The following NAA35 variants were observed in gnomAD, a reference collection of about 807,000 sequenced individuals.
NAA35 encodes the protein N-alpha-acetyltransferase 35, NatC auxiliary subunit.
A neutral mutation model predicts 101.7 loss-of-function variants in NAA35; 18 were observed. The observed-to-expected ratio is 0.18, with a 90% CI of 0.12 to 0.26. The LOEUF is 0.26. Among genes scored for constraint, NAA35 ranks in the 10% least tolerant of loss-of-function variants. The probability of loss-of-function intolerance (pLI) is 1.00; values close to 1 mark genes in which losing one functional copy is unlikely to be tolerated. For synonymous variants in NAA35, 267 were observed against 273.1 expected, an observed-to-expected ratio of 0.98 and a Z score of 0.22; for missense variants, 601 against 886.8, an observed-to-expected ratio of 0.68 and a Z score of 4.09.
At chr9:85,957,944 CTT>C (rs1227768818) in intron 3 of NAA35, among the ~76,000 whole-genome samples, 17 of 141,320 alleles carry the variant, frequency 1.2e-4, no homozygotes, top group Non-Finnish European at 9.3e-5. Context: ...TATATATTTT[CTT>C]TTTTTTTTTT....
At chr9:85,942,094 C>T (rs1397321213) in intron 1 of NAA35, 61 bp from the exon 2 acceptor site, 1 of 1,573,606 alleles carries the variant, frequency 6.4e-7, no homozygotes, top group South Asian at 1.2e-5. Flanking sequence ...ACACCCATTT[C>T]TGCAAATACT....
rs1832673979 is a variant in NAA35, at chr9:86,023,873, G to GGA, written c.*1915_*1916dup. On this transcript the variant is annotated 3_prime_UTR_variant, in exon 23 of 23. Transcript: ENST00000361671. ...TTTTGGTTTTTAGTTTGTTTAGAGA[G>GGA]GAGGTTTCACTATGTTGCCCAAACT... Among the ~76,000 whole-genome samples, 1 of 152,218 alleles carries GGA rather than the reference G, an allele frequency of 6.6e-6. No individual in the cohort carries two copies. Among genetic ancestry groups the GGA allele is most frequent in the South Asian group, 2.1e-4 (1 of 4,834 alleles).
In NAA35 at chr9:85,975,110, C is replaced by A. The variant is rs1159069478; in HGVS notation, c.584-4C>A. ...CTTTTAAAACTTATTGTTTCTTTTT[C>A]TAGGCATGCTAAAAGATGTGGAGGA... On this transcript the variant is annotated splice_polypyrimidine_tract_variant and splice_region_variant and intron_variant, in intron 7 of 22. Coordinates refer to ENST00000361671, the MANE Select transcript of NAA35 (RefSeq NM_024635.4). 1 of 1,613,144 alleles carries A rather than the reference C, an allele frequency of 6.2e-7. No individual in the cohort carries two copies. Among genetic ancestry groups the A allele is most frequent in the East Asian group, 2.2e-5 (1 of 44,792 alleles).
intron 11 of NAA35, among the ~76,000 whole-genome samples, chr9:85,990,866 G>C (rs114898319): frequency 9.0e-4 from 137 of 152,322 alleles, no homozygotes; most frequent in African/African-American, 3.2e-3. Flanking sequence ...TGGGCCATCA[G>C]AGTCTGTGTG....
intron 6 of NAA35, among the ~76,000 whole-genome samples, chr9:85,967,393 C>G (rs987757377): frequency 4.6e-5 from 7 of 151,946 alleles, no homozygotes; most frequent in African/African-American, 1.5e-4. Context: ...GCTTCTGGGC[C>G]AAAAGATTCT....
At chr9:86,020,755 A>G (rs1832498501) in intron 21 of NAA35, 134 bp from the exon 22 acceptor site, 3 of 547,432 alleles carry the variant, frequency 5.5e-6, no homozygotes, top group African/African-American at 1.9e-5. Context: ...TGCCTGAACC[A>G]GGAGGTTGAG....
chr9:85,953,141 A>C (rs1829092072), intron 2 of NAA35, among the ~76,000 whole-genome samples: 1 of 150,430 alleles, frequency 6.6e-6, no homozygotes, highest in Non-Finnish European at 1.5e-5. Flanking sequence ...TGAGCCTGGG[A>C]GGTCAAGGCT....
At chr9:85,973,634 A>G (rs968245462) in intron 6 of NAA35, among the ~76,000 whole-genome samples, 1 of 152,152 alleles carries the variant, frequency 6.6e-6, no homozygotes, top group African/African-American at 2.4e-5. Flanking sequence ...AAACACTAGG[A>G]AGTAGGCGTC....
intron 2 of NAA35, among the ~76,000 whole-genome samples, chr9:85,946,807 G>C (rs118105087): frequency 1.3e-5 from 2 of 151,780 alleles, no homozygotes; most frequent in Non-Finnish European, 2.9e-5. Flanking sequence ...TCATTCCTCC[G>C]TAGTCAGTCT....
chr9:85,999,673 C>G (rs185404281), intron 12 of NAA35, among the ~76,000 whole-genome samples: 1 of 152,212 alleles, frequency 6.6e-6, no homozygotes, highest in Non-Finnish European at 1.5e-5. Context: ...AGAATTTTCT[C>G]AGCAAGCTGC....
intron 11 of NAA35, chr9:85,987,038 A>G (rs1249812536): frequency 6.5e-6 from 1 of 155,002 alleles, no homozygotes; most frequent in African/African-American, 2.4e-5. Flanking sequence ...AAAGTTTACA[A>G]ACTAGTGTTG....
intron 19 of NAA35, 45 bp downstream of exon 19, chr9:86,017,610 C>A: frequency 2.1e-6 from 3 of 1,427,442 alleles, no homozygotes; most frequent in South Asian, 2.5e-5. Flanking sequence ...TAGCTATATC[C>A]CTATTATATA....
At chr9:86,019,586 G>A (rs1832421063) in intron 21 of NAA35, among the ~76,000 whole-genome samples, 1 of 152,168 alleles carries the variant, frequency 6.6e-6, no homozygotes, top group African/African-American at 2.4e-5. Context: ...TGAAAACTCT[G>A]AGATATCAAA....
chr9:86,004,250 G>A (rs999022368), intron 13 of NAA35, among the ~76,000 whole-genome samples: 6 of 152,068 alleles, frequency 3.9e-5, no homozygotes, highest in East Asian at 1.9e-4. Context: ...GATTACAGGC[G>A]CACACCATCA....
At chr9:85,966,716 G>T (rs1168236441) in intron 6 of NAA35, 42 of 947,926 alleles carry the variant, frequency 4.4e-5, no homozygotes, top group Non-Finnish European at 6.0e-5. Context: ...CATTAGCACA[G>T]CTGTCTTGGC....
intron 4 of NAA35, among the ~76,000 whole-genome samples, chr9:85,959,549 C>T (rs1829421618): frequency 6.6e-6 from 1 of 151,592 alleles, no homozygotes; most frequent in Non-Finnish European, 1.5e-5. Flanking sequence ...TTGTTGAAGA[C>T]CTAAGATATA....
At chr9:85,962,330 A>G in intron 6 of NAA35, 150 bp downstream of exon 6, 1 of 590,996 alleles carries the variant, frequency 1.7e-6, no homozygotes. Context: ...GTCTCTACTA[A>G]AAATACACAA....
chr9:85,997,253 C>T lies in NAA35; in HGVS notation c.1056+676C>T, dbSNP rs753542335. 3.3e-5 allele frequency among the ~76,000 whole-genome samples: 5 copies of T among 151,964 alleles called. No homozygotes were observed. The East Asian group carries it at 5.8e-4, about 18-fold the overall frequency. ...CTGGGATTGCAGGTGTGAGCTACTG[C>T]GCTCTGCCTAGCCTTGAACTCTTGA... On this transcript the variant is annotated intron_variant, in intron 12 of 22. Coordinates refer to ENST00000361671, the MANE Select transcript of NAA35 (RefSeq NM_024635.4).
At chr9:86,018,505 GAAT>G in intron 20 of NAA35, 110 bp downstream of exon 20, 6 of 1,360,866 alleles carry the variant, frequency 4.4e-6, no homozygotes, top group South Asian at 2.9e-5. Flanking sequence ...TAAATCATAA[GAAT>G]AATATGAGGT....
Sources: allele counts gnomAD v4.1 joint callset (sites outside exome capture counted in the v4.1 genomes callset), GRCh38; gene constraint gnomAD v4.1.1; transcripts MANE v1.5; gene names NCBI Gene and HGNC (gene_info 2026-07-23, HGNC 2026-07-21).